The following SNTB1 variants were observed in gnomAD, a reference collection of about 807,000 sequenced individuals.
SNTB1 encodes beta-1-syntrophin.
A neutral mutation model predicts 48.9 loss-of-function variants in SNTB1; 36 were observed. The ratio of observed to expected loss-of-function variants is 0.74; its 90% CI spans 0.56 to 0.97. The LOEUF is 0.97. SNTB1 is among the 50% of genes least tolerant of loss of function. The probability of loss-of-function intolerance (pLI) is 0.00; values close to 1 mark genes in which losing one functional copy is unlikely to be tolerated. For synonymous variants in SNTB1, 299 were observed against 294.6 expected (o/e 1.01, Z -0.15); for missense variants, 786 against 703.4 (o/e 1.12, Z -1.33).
intron 5 of SNTB1, among the ~76,000 whole-genome samples, chr8:120,546,566 C>A (rs1356086716): frequency 6.6e-6 from 1 of 152,164 alleles, no homozygotes; most frequent in Non-Finnish European, 1.5e-5. Flanking sequence ...ACCTCTGCCT[C>A]CTGGGTTCAA....
chr8:120,623,394 T>G (rs1172803960), intron 3 of SNTB1, among the ~76,000 whole-genome samples: 1 of 152,214 alleles, frequency 6.6e-6, no homozygotes, highest in African/African-American at 2.4e-5. Flanking sequence ...ACACTGCACC[T>G]AGTCCTCAAC....
chr8:120,638,377 G>C (rs1247416410), intron 2 of SNTB1, among the ~76,000 whole-genome samples: 1 of 152,022 alleles, frequency 6.6e-6, no homozygotes, highest in Non-Finnish European at 1.5e-5. Context: ...CTATGCTACA[G>C]AAAGAGGAAT....
At position 120,794,492 on chromosome 8, in the gene SNTB1, T is replaced by TATAC. The variant is rs71571680; in HGVS notation, c.571+16780_571+16781insGTAT. Among the ~76,000 whole-genome samples, 45 of 151,610 alleles carry TATAC rather than the reference T, an allele frequency of 3.0e-4. No individual in the cohort carries two copies. The South Asian group carries it at 9.2e-3, about 31-fold the overall frequency. ...GTATGTACTATTTTATATATATATA[T>TATAC]ACACACACACACTCAAGTATATAAA... On this transcript the variant is annotated intron_variant, in intron 1 of 6. Transcript: ENST00000517992.
Position 120,792,065 on chromosome 8 carries a change from G to A in SNTB1, c.571+19208C>T, listed in dbSNP as rs1446452418. Among the ~76,000 whole-genome samples the A allele has an allele frequency of 2.0e-5, 3 of 151,432 alleles. 1 individual carries two copies. Among genetic ancestry groups the A allele is most frequent in the African/African-American group, 7.3e-5 (3 of 41,206 alleles). On this transcript the variant is annotated intron_variant, in intron 1 of 6. Transcript: ENST00000517992. ...GACTGAAATGCTCATCAACCGATGA[G>A]TGGGTACCACTCATATATATATGAG...
Position 120,735,840 on chromosome 8 carries a change from G to A in SNTB1, c.572-41932C>T, listed in dbSNP as rs547269336. On this transcript the variant is annotated intron_variant, in intron 1 of 6. Coordinates refer to ENST00000517992, the MANE Select transcript of SNTB1 (RefSeq NM_021021.4). ...AGGAAGGAGGAAGAACAGGCAGGAG[G>A]CAGGAAGAGGTTGGTTCAAGCAGCA... Among the ~76,000 whole-genome samples the A allele has an allele frequency of 1.6e-4, 24 of 152,324 alleles. No homozygotes were observed. In the South Asian group the frequency reaches 4.4e-3, roughly 28 times the overall value.
chr8:120,561,419 T>C (rs1260986374), intron 4 of SNTB1, among the ~76,000 whole-genome samples: 3 of 151,854 alleles, frequency 2.0e-5, no homozygotes, highest in Non-Finnish European at 4.4e-5. Flanking sequence ...AATTTATCCC[T>C]GTGCTGCTCT....
At chr8:120,797,067 G>A (rs2130168412) in intron 1 of SNTB1, among the ~76,000 whole-genome samples, 1 of 152,002 alleles carries the variant, frequency 6.6e-6, no homozygotes, top group South Asian at 2.1e-4. Context: ...AGTTCTCCCA[G>A]GCCTATGGCC....
At chr8:120,621,945 C>G (rs989841373) in intron 3 of SNTB1, among the ~76,000 whole-genome samples, 4 of 152,200 alleles carry the variant, frequency 2.6e-5, no homozygotes, top group Non-Finnish European at 5.9e-5. Flanking sequence ...AAATGTGTTG[C>G]AGTGTCTACT....
intron 1 of SNTB1, among the ~76,000 whole-genome samples, chr8:120,784,300 AT>A (rs34529771): frequency 0.11 from 17,142 of 151,662 alleles, 1,380 homozygotes; most frequent in African/African-American, 0.22. Context: ...AGCCTGCACC[AT>A]TTTTTTTAAA....
intron 1 of SNTB1, among the ~76,000 whole-genome samples, chr8:120,806,044 T>C (rs142356635): frequency 1.9e-3 from 295 of 152,380 alleles, no homozygotes; most frequent in Non-Finnish European, 3.5e-3. Flanking sequence ...ATGTTTTGCA[T>C]GTGTTAGCTA....
At chr8:120,621,179 T>G (rs1816789191) in intron 3 of SNTB1, among the ~76,000 whole-genome samples, 1 of 151,900 alleles carries the variant, frequency 6.6e-6, no homozygotes, top group Non-Finnish European at 1.5e-5. Context: ...AGGGTGGTCT[T>G]GAACTCCTGA....
chr8:120,608,178 A>G (rs1039279818), intron 3 of SNTB1, among the ~76,000 whole-genome samples: 2 of 152,228 alleles, frequency 1.3e-5, no homozygotes, highest in Non-Finnish European at 2.9e-5. Context: ...TTAAACACCC[A>G]ATGAAGATGA....
At chr8:120,691,926 A>G (rs1455276380) in intron 2 of SNTB1, among the ~76,000 whole-genome samples, 3 of 152,120 alleles carry the variant, frequency 2.0e-5, no homozygotes, top group Non-Finnish European at 4.4e-5. Flanking sequence ...GGGTGGGTAA[A>G]AGCCCAGGGA....
chr8:120,694,036 A>G, intron 1 of SNTB1, 128 bp from the exon 2 acceptor site: 1 of 733,696 alleles, frequency 1.4e-6, no homozygotes, highest in Non-Finnish European at 2.3e-6. Context: ...ATTCTCAACG[A>G]GATTTTGAAT....
rs554140016 is a variant in SNTB1, at chr8:120,811,810, G to A, written c.34C>T (p.Pro12Ser). Residue 12 changes from proline (P) to serine (S), a missense_variant, in exon 1 of 7, where the codon CCG becomes TCG. Pro to Ser is a moderately conservative substitution (Grantham distance 74). Coordinates refer to ENST00000517992, the MANE Select transcript of SNTB1 (RefSeq NM_021021.4). ...GCCCGGCCGCCTCCCGCGCCAGCCG[G>A]CCCAGCCGCCGCCGCCGCCGCCGCT... ...AVAAAAAAAG[P>S]AGAGGGRAQR... The A allele has an allele frequency of 1.7e-5, 23 of 1,366,442 alleles. No homozygotes were observed. The African/African-American group carries it at 3.4e-4, about 20-fold the overall frequency. The allele number at this position is 1,366,442 out of a possible 1,614,324, so 84.6% of individuals were successfully genotyped here.
chr8:120,694,378 A>G (rs887349707), intron 1 of SNTB1, among the ~76,000 whole-genome samples: 1 of 152,176 alleles, frequency 6.6e-6, no homozygotes. Context: ...AAACACATAC[A>G]AAGAAATATA....
At chr8:120,694,834 T>C (rs1320009267) in intron 1 of SNTB1, among the ~76,000 whole-genome samples, 2 of 152,162 alleles carry the variant, frequency 1.3e-5, no homozygotes, top group Admixed American at 1.3e-4. Flanking sequence ...GCTTTTACTA[T>C]TTATTTATTA....
intron 1 of SNTB1, among the ~76,000 whole-genome samples, chr8:120,790,960 C>T (rs13259820): frequency 0.068 from 10,261 of 151,760 alleles, 508 homozygotes; most frequent in African/African-American, 0.14. Flanking sequence ...AAGAACAAAT[C>T]TGGAGGCAAC....
At chr8:120,644,880 CTGT>C (rs1322157676) in intron 2 of SNTB1, among the ~76,000 whole-genome samples, 6 of 152,090 alleles carry the variant, frequency 3.9e-5, no homozygotes, top group Admixed American at 6.5e-5. Context: ...TGGTATCTCA[CTGT>C]TGTTTTGATT....
Sources: allele counts gnomAD v4.1 joint callset (sites outside exome capture counted in the v4.1 genomes callset), GRCh38; gene constraint gnomAD v4.1.1; transcripts MANE v1.5; gene names NCBI Gene and HGNC (gene_info 2026-07-23, HGNC 2026-07-21).